The following WNK3 variants were observed in gnomAD, a reference collection of about 807,000 sequenced individuals.
WNK3 encodes WNK lysine deficient protein kinase 3.
WNK3 carries 18 observed loss-of-function variants against 116.7 expected under a neutral mutation model. The observed-to-expected ratio is 0.15, with a 90% CI of 0.11 to 0.23. WNK3 has a LOEUF of 0.23. Ranked by LOEUF, WNK3 falls within the 10% of genes least tolerant of loss-of-function variation. WNK3 has a pLI of 1.00. For synonymous variants in WNK3, 404 were observed against 469.4 expected, an observed-to-expected ratio of 0.86 and a Z score of 1.80; for missense variants, 993 against 1,323.8, an observed-to-expected ratio of 0.75 and a Z score of 3.88.
chrX:54,263,230 G>A (rs1456221326), intron 10 of WNK3, among the ~76,000 whole-genome samples: 1 of 111,686 alleles, frequency 9.0e-6, no homozygotes, highest in Non-Finnish European at 1.9e-5. Context: ...ATGGAGTGAA[G>A]GAGACCAGTA....
intron 13 of WNK3, among the ~76,000 whole-genome samples, chrX:54,253,054 G>A (rs1272570839): frequency 9.1e-6 from 1 of 109,780 alleles, no homozygotes; most frequent in Non-Finnish European, 1.9e-5. Flanking sequence ...TTAGATCAGT[G>A]ACTAACACAT....
At chrX:54,257,268 A>G (rs3021285) in intron 11 of WNK3, among the ~76,000 whole-genome samples, 21,167 of 109,669 alleles carry the variant, frequency 0.19, 3,029 homozygotes, top group African/African-American at 0.5. Flanking sequence ...CGCTGGTAGG[A>G]GCCCCACCAG....
intron 23 of WNK3, among the ~76,000 whole-genome samples, chrX:54,199,637 C>A (rs781908089): frequency 1.8e-3 from 204 of 111,501 alleles, no homozygotes; most frequent in African/African-American, 6.2e-3. Flanking sequence ...AGTTCAAGAC[C>A]AGCCTGGCCA....
intron 20 of WNK3, among the ~76,000 whole-genome samples, chrX:54,233,807 T>C (rs1336717162): frequency 5.4e-5 from 5 of 93,070 alleles, no homozygotes; most frequent in African/African-American, 2.1e-4. Flanking sequence ...AGACCCTGTC[T>C]CTCTGAAAAA....
intron 6 of WNK3, among the ~76,000 whole-genome samples, chrX:54,301,168 G>A (rs969844932): frequency 2.8e-5 from 3 of 105,894 alleles, no homozygotes; most frequent in Non-Finnish European, 5.8e-5. Context: ...GCTGGAACCC[G>A]GGAGGCAGAG....
chrX:54,276,924 C>T (rs951275191), intron 10 of WNK3, among the ~76,000 whole-genome samples: 5 of 111,667 alleles, frequency 4.5e-5, no homozygotes, highest in African/African-American at 9.8e-5. Context: ...GCCATGTTGG[C>T]GAGGCTGTTA....
At chrX:54,200,560 T>G (rs973075172) in intron 23 of WNK3, among the ~76,000 whole-genome samples, 1 of 111,734 alleles carries the variant, frequency 8.9e-6, no homozygotes, top group Non-Finnish European at 1.9e-5. Context: ...TTGAAAGACA[T>G]GAAAACTGAG....
chrX:54,219,582 G>A (rs2067737664), intron 22 of WNK3, among the ~76,000 whole-genome samples: 1 of 103,539 alleles, frequency 9.7e-6, no homozygotes, highest in South Asian at 4.6e-4. Flanking sequence ...GGAGGCTGAG[G>A]CAGGAGAATC....
At chrX:54,213,434 A>G (rs932934313) in intron 22 of WNK3, among the ~76,000 whole-genome samples, 1 of 106,676 alleles carries the variant, frequency 9.4e-6, no homozygotes, top group African/African-American at 3.5e-5. Flanking sequence ...GGCGCCTGTA[A>G]TCTCTGCTAC....
intron 5 of WNK3, 126 bp from the exon 6 acceptor site, chrX:54,301,985 CAT>C (rs782619732): frequency 2.6e-4 from 130 of 507,149 alleles, no homozygotes; most frequent in South Asian, 8.4e-4. Flanking sequence ...TTTAAATATA[CAT>C]GTGTATATAT....
At chrX:54,318,629 C>T (rs1297001553) in intron 2 of WNK3, among the ~76,000 whole-genome samples, 7 of 107,863 alleles carry the variant, frequency 6.5e-5, no homozygotes, top group Admixed American at 4.0e-4. Context: ...TGAGCCCAGG[C>T]GTTCAAGGCT....
intron 1 of WNK3, among the ~76,000 whole-genome samples, chrX:54,348,804 C>T (rs972011842): frequency 9.9e-5 from 11 of 111,607 alleles, no homozygotes; most frequent in Non-Finnish European, 1.9e-5. Context: ...CAGGAATAAG[C>T]CAAGATTTCC....
At chrX:54,230,838 C>G (rs1569536066) in intron 21 of WNK3, among the ~76,000 whole-genome samples, 1 of 112,335 alleles carries the variant, frequency 8.9e-6, no homozygotes, top group Non-Finnish European at 1.9e-5. Context: ...GTTGAGGAAT[C>G]CCAAAGACAG....
chrX:54,268,497 A>G (rs1192331574), intron 10 of WNK3, among the ~76,000 whole-genome samples: 1 of 110,917 alleles, frequency 9.0e-6, no homozygotes, highest in Non-Finnish European at 1.9e-5. Context: ...CTGCCTCAAA[A>G]AAATTTTTAA....
chrX:54,251,175 C>T (rs1199774815), intron 15 of WNK3, among the ~76,000 whole-genome samples: 1 of 111,365 alleles, frequency 9.0e-6, no homozygotes, highest in African/African-American at 3.3e-5. Context: ...GTAACATGAC[C>T]ACCCAATAAC....
exon 24 of WNK3, chrX:54,193,184 T>G: frequency 8.9e-6 from 1 of 111,812 alleles, no homozygotes; most frequent in Non-Finnish European, 1.9e-5. Flanking sequence ...TGCTGAAAGT[T>G]TATTAATTGC....
exon 7 of WNK3, chrX:54,298,336 C>T: frequency 8.3e-7 from 1 of 1,211,443 alleles, no homozygotes; most frequent in Non-Finnish European, 1.1e-6. Flanking sequence ...GCTAACTCCA[C>T]CCTCAGTCCT....
In WNK3 at chrX:54,251,376, T is replaced by C. The variant is rs199650675; in HGVS notation, c.2575+23A>G. 7 of 1,094,559 alleles carry C rather than the reference T, an allele frequency of 6.4e-6. No homozygotes were observed. The East Asian group carries it at 1.3e-4, about 20-fold the overall frequency. 90.2% of individuals were successfully genotyped at this position (1,094,559 alleles called of 1,213,427 possible). ...ATGTCTTGCTTCAAAAACCAAATGA[T>C]AAATTTTACTAAATATACTTACTGC... On this transcript the variant is annotated intron_variant, in intron 15 of 23. Coordinates refer to ENST00000354646, the Ensembl canonical transcript of WNK3.
At chrX:54,307,410 T>C (rs902404686) in intron 5 of WNK3, among the ~76,000 whole-genome samples, 1 of 110,813 alleles carries the variant, frequency 9.0e-6, no homozygotes, top group Non-Finnish European at 1.9e-5. Context: ...CCTCTTATTT[T>C]ATAGTCATTT....
Sources: allele counts gnomAD v4.1 joint callset (sites outside exome capture counted in the v4.1 genomes callset), GRCh38; gene constraint gnomAD v4.1.1; transcripts MANE v1.5; gene names NCBI Gene and HGNC (gene_info 2026-07-23, HGNC 2026-07-21).